LUZP2: variants seen among roughly 807,000 people sequenced by gnomAD.
LUZP2 encodes leucine zipper protein 2.
A neutral mutation model predicts 51.6 loss-of-function variants in LUZP2; 52 were observed. The ratio of observed to expected loss-of-function variants is 1.01; its 90% confidence interval spans 0.81 to 1.27. The LOEUF (loss-of-function observed/expected upper bound fraction) is 1.27, where lower values mean the gene tolerates loss of function less well. Among genes scored for constraint, LUZP2 ranks in the 50% most tolerant of loss-of-function variants. LUZP2 has a pLI of 0.00. For synonymous variants in LUZP2, 154 were observed against 137.3 expected (o/e 1.12, Z -0.85); for missense variants, 436 against 395.4 (o/e 1.10, Z -0.87).
At chr11:24,517,041 C>T (rs954389016) in intron 1 of LUZP2, among the ~76,000 whole-genome samples, 2 of 151,980 alleles carry the variant, frequency 1.3e-5, no homozygotes, top group African/African-American at 2.4e-5. Flanking sequence ...TGAACCTTTC[C>T]TAATACAAAA....
At chr11:24,777,183 C>T (rs572029601) in intron 5 of LUZP2, among the ~76,000 whole-genome samples, 38 of 151,906 alleles carry the variant, frequency 2.5e-4, no homozygotes, top group African/African-American at 7.5e-4. Context: ...TTAGTAGATT[C>T]GGGGTTTCAC....
intron 1 of LUZP2, among the ~76,000 whole-genome samples, chr11:24,669,667 A>G (rs1856337302): frequency 1.3e-5 from 2 of 152,138 alleles, no homozygotes; most frequent in Admixed American, 1.3e-4. Flanking sequence ...AATTTATAGA[A>G]ACTTTCAGTA....
intron 5 of LUZP2, among the ~76,000 whole-genome samples, chr11:24,888,209 C>T (rs1378820409): frequency 6.6e-6 from 1 of 152,120 alleles, no homozygotes; most frequent in Non-Finnish European, 1.5e-5. Context: ...TGTCTTATGA[C>T]TGCAGATGCC....
intron 1 of LUZP2, among the ~76,000 whole-genome samples, chr11:24,568,828 A>G (rs1277525361): frequency 1.3e-5 from 2 of 152,034 alleles, no homozygotes; most frequent in Non-Finnish European, 2.9e-5. Flanking sequence ...AATTTTCTTT[A>G]TTTGATGGAG....
At chr11:24,674,239 T>G (rs1019288024) in intron 1 of LUZP2, among the ~76,000 whole-genome samples, 2 of 152,206 alleles carry the variant, frequency 1.3e-5, no homozygotes, top group Admixed American at 6.5e-5. Flanking sequence ...ATGCCTGTCA[T>G]GTGTCCAGGC....
chr11:24,873,763 C>T (rs911115075), intron 5 of LUZP2, among the ~76,000 whole-genome samples: 2 of 152,174 alleles, frequency 1.3e-5, no homozygotes, highest in Non-Finnish European at 2.9e-5. Context: ...TTATCTCTGC[C>T]TTTGAAAAGC....
chr11:24,782,914 G>A (rs951077188), intron 5 of LUZP2, among the ~76,000 whole-genome samples: 6 of 151,924 alleles, frequency 3.9e-5, no homozygotes, highest in Admixed American at 1.3e-4. Flanking sequence ...ATTCTGAAAC[G>A]AAATGGAAGG....
intron 4 of LUZP2, among the ~76,000 whole-genome samples, chr11:24,743,738 T>C (rs11028134): frequency 0.12 from 17,679 of 152,048 alleles, 1,291 homozygotes; most frequent in Non-Finnish European, 0.17. Flanking sequence ...TGAAGAGGAG[T>C]GGTAAAAGTG....
chr11:24,509,093 T>A (rs993611916), intron 1 of LUZP2, among the ~76,000 whole-genome samples: 1 of 152,108 alleles, frequency 6.6e-6, no homozygotes, highest in African/African-American at 2.4e-5. Context: ...GTGCGATGAG[T>A]GAGGGTTCAG....
intron 10 of LUZP2, among the ~76,000 whole-genome samples, chr11:25,056,851 G>A (rs552646362): frequency 3.9e-5 from 6 of 152,132 alleles, no homozygotes; most frequent in South Asian, 2.1e-4. Flanking sequence ...CTGTAATCCC[G>A]GCGCTTTGGG....
Position 24,591,741 on chromosome 11 carries a change from T to A in LUZP2, c.62+94436T>A, listed in dbSNP as rs527516234. 3.9e-4 allele frequency among the ~76,000 whole-genome samples: 59 copies of A among 152,240 alleles called. 1 individual carries two copies. In the South Asian group the frequency reaches 0.011, roughly 29 times the overall value. On this transcript the variant is annotated intron_variant, in intron 1 of 11. Transcript: ENST00000336930. Reference sequence around the variant, plus strand: ...AAAATTGTGATAATAATAGATAACATCTAAACACCATTCTATGAAGTTGAA... The same window carrying A: ...AAAATTGTGATAATAATAGATAACAACTAAACACCATTCTATGAAGTTGAA...
intron 1 of LUZP2, among the ~76,000 whole-genome samples, chr11:24,512,417 T>TG (rs1850339414): frequency 6.6e-6 from 1 of 152,090 alleles, no homozygotes; most frequent in Non-Finnish European, 1.5e-5. Context: ...AAGTAAGACG[T>TG]GGGAAAAAAG....
At chr11:24,555,898 A>T (rs1851855968) in intron 1 of LUZP2, among the ~76,000 whole-genome samples, 1 of 152,162 alleles carries the variant, frequency 6.6e-6, no homozygotes, top group Non-Finnish European at 1.5e-5. Flanking sequence ...GGACTGCTTG[A>T]GCACAGGAGG....
intron 5 of LUZP2, among the ~76,000 whole-genome samples, chr11:24,873,362 T>C (rs897636871): frequency 6.6e-6 from 1 of 152,192 alleles, no homozygotes; most frequent in African/African-American, 2.4e-5. Context: ...ATCATTTATA[T>C]ATAATAAGCC....
intron 1 of LUZP2, among the ~76,000 whole-genome samples, chr11:24,579,318 T>G (rs1047319607): frequency 6.6e-6 from 1 of 152,124 alleles, no homozygotes; most frequent in African/African-American, 2.4e-5. Context: ...CAATTTATTA[T>G]AAATAGAACC....
At chr11:25,016,128 G>T (rs1054171884) in intron 9 of LUZP2, among the ~76,000 whole-genome samples, 2 of 151,884 alleles carry the variant, frequency 1.3e-5, no homozygotes, top group Non-Finnish European at 2.9e-5. Context: ...CATGGTGTTA[G>T]CCAGGATGGT....
At chr11:25,064,146 A>G (rs186166388) in intron 10 of LUZP2, among the ~76,000 whole-genome samples, 1 of 146,664 alleles carries the variant, frequency 6.8e-6, no homozygotes, top group Admixed American at 6.7e-5. Context: ...TTCACATACC[A>G]TATAGTTTAT....
chr11:24,542,570 G>A (rs569824562), intron 1 of LUZP2, among the ~76,000 whole-genome samples: 2 of 152,048 alleles, frequency 1.3e-5, no homozygotes, highest in South Asian at 2.1e-4. Context: ...GTGTATTGGG[G>A]CAGGGACAGT....
intron 5 of LUZP2, among the ~76,000 whole-genome samples, chr11:24,812,943 G>T (rs539134891): frequency 1.1e-4 from 16 of 152,204 alleles, no homozygotes; most frequent in Admixed American, 2.0e-4. Context: ...TTTCATTTTT[G>T]CCCTGGTTTG....
Sources: allele counts gnomAD v4.1 joint callset (sites outside exome capture counted in the v4.1 genomes callset), GRCh38; gene constraint gnomAD v4.1.1; transcripts MANE v1.5; gene names NCBI Gene and HGNC (gene_info 2026-07-23, HGNC 2026-07-21).